The following DPP6 variants were observed in gnomAD, a reference collection of about 807,000 sequenced individuals.
The protein encoded by DPP6 is dipeptidyl peptidase like 6, also known as A-type potassium channel modulatory protein DPP6.
Under a neutral mutation model 122.6 loss-of-function variants are expected in DPP6, and 69 were observed. That is an observed-to-expected ratio of 0.56 (90% CI 0.46 to 0.69). The LOEUF (loss-of-function observed/expected upper bound fraction) is 0.69, where lower values mean the gene tolerates loss of function less well. Among genes scored for constraint, DPP6 ranks in the 30% least tolerant of loss-of-function variants. DPP6 has a pLI of 0.00. For synonymous variants in DPP6, 418 were observed against 433.1 expected, an observed-to-expected ratio of 0.97 and a Z score of 0.43; for missense variants, 928 against 1,116.9, an observed-to-expected ratio of 0.83 and a Z score of 2.41.
intron 16 of DPP6, among the ~76,000 whole-genome samples, chr7:154,850,460 G>C (rs577535931): frequency 1.2e-4 from 18 of 152,270 alleles, no homozygotes; most frequent in African/African-American, 4.3e-4. Flanking sequence ...TCAGGGTAAG[G>C]CTGGCCTCAT....
At chr7:154,073,291 C>T (rs1803257971) in intron 1 of DPP6, among the ~76,000 whole-genome samples, 1 of 152,208 alleles carries the variant, frequency 6.6e-6, no homozygotes, top group Non-Finnish European at 1.5e-5. Flanking sequence ...CTGCCTTTGT[C>T]TCCTTCCTTC....
intron 13 of DPP6, among the ~76,000 whole-genome samples, chr7:154,802,032 G>T (rs983531886): frequency 3.9e-5 from 6 of 152,014 alleles, no homozygotes; most frequent in Non-Finnish European, 8.8e-5. Flanking sequence ...TAGACATCTC[G>T]GGGTCACCAT....
chr7:154,448,465 G>T (rs927222812), intron 2 of DPP6, among the ~76,000 whole-genome samples: 5 of 152,116 alleles, frequency 3.3e-5, no homozygotes, highest in Non-Finnish European at 7.4e-5. Context: ...TATATGAATT[G>T]ATTGAAAGAC....
At chr7:154,097,392 T>C (rs562590110) in intron 1 of DPP6, among the ~76,000 whole-genome samples, 5 of 152,246 alleles carry the variant, frequency 3.3e-5, no homozygotes, top group African/African-American at 1.2e-4. Flanking sequence ...CCCGCCGTGC[T>C]GCGAGCCCTT....
chr7:154,582,197 T>C (rs528042397), intron 5 of DPP6, among the ~76,000 whole-genome samples: 1 of 152,322 alleles, frequency 6.6e-6, no homozygotes, highest in South Asian at 2.1e-4. Flanking sequence ...AGTGCAGATG[T>C]AGTGATCCTG....
At chr7:154,184,172 T>C (rs1250423576) in intron 1 of DPP6, among the ~76,000 whole-genome samples, 1 of 150,944 alleles carries the variant, frequency 6.6e-6, no homozygotes, top group African/African-American at 2.4e-5. Flanking sequence ...CATCAGGCAA[T>C]GATTTTGAGT....
chr7:154,786,283 C>A (rs1208554040), intron 10 of DPP6, among the ~76,000 whole-genome samples: 2 of 152,144 alleles, frequency 1.3e-5, no homozygotes, highest in Non-Finnish European at 2.9e-5. Flanking sequence ...TTCGTCAAAG[C>A]TAGAGGGTAT....
At chr7:153,844,683 A>G in the DPP6 span, among the ~76,000 whole-genome samples, 17 of 152,374 alleles carry the variant, frequency 1.1e-4, 1 homozygote, top group Admixed American at 9.8e-4. Context: ...CCGGTGGGAC[A>G]TCGTTTGCAC....
chr7:154,053,472 C>T (rs1585237600), intron 1 of DPP6, among the ~76,000 whole-genome samples: 2 of 151,188 alleles, frequency 1.3e-5, no homozygotes, highest in East Asian at 2.0e-4. Context: ...AACACAGCCT[C>T]AGGCACCTTC....
At chr7:154,522,834 T>C (rs1277243429) in intron 3 of DPP6, among the ~76,000 whole-genome samples, 2 of 152,242 alleles carry the variant, frequency 1.3e-5, no homozygotes, top group African/African-American at 4.8e-5. Context: ...GTGGGTGTTA[T>C]GGGAACGTGC....
intron 1 of DPP6, among the ~76,000 whole-genome samples, chr7:153,975,348 A>AC (rs1266370160): frequency 1.2e-4 from 6 of 48,656 alleles, no homozygotes; most frequent in African/African-American, 4.8e-4. Flanking sequence ...ACCCACCCCC[A>AC]CAGAGTACCT....
chr7:154,461,710 G>A (rs555214921), intron 2 of DPP6, among the ~76,000 whole-genome samples: 1 of 152,076 alleles, frequency 6.6e-6, no homozygotes, highest in South Asian at 2.1e-4. Context: ...TTTTTAATTG[G>A]ATTATTAGAT....
At chr7:154,369,849 A>G (rs112499070) in intron 1 of DPP6, among the ~76,000 whole-genome samples, 3 of 152,296 alleles carry the variant, frequency 2.0e-5, no homozygotes, top group Admixed American at 6.5e-5. Flanking sequence ...TTTACAAACC[A>G]TAATTCCTAG....
At chr7:154,366,721 G>T (rs2151110277) in intron 1 of DPP6, among the ~76,000 whole-genome samples, 1 of 152,258 alleles carries the variant, frequency 6.6e-6, no homozygotes, top group East Asian at 1.9e-4. Flanking sequence ...GAAGAATTGG[G>T]TGAGGTAGAA....
At chr7:154,068,396 T>G (rs1029070539) in intron 1 of DPP6, among the ~76,000 whole-genome samples, 4 of 147,504 alleles carry the variant, frequency 2.7e-5, no homozygotes, top group Non-Finnish European at 4.5e-5. Flanking sequence ...AGGGAAGGCC[T>G]GGAAAAAAGG....
At chr7:153,839,373 C>A in the DPP6 span, among the ~76,000 whole-genome samples, 1 of 152,218 alleles carries the variant, frequency 6.6e-6, no homozygotes, top group Non-Finnish European at 1.5e-5. Flanking sequence ...TATTTCTTTG[C>A]TGAGACCTTG....
chr7:154,342,166 A>G (rs1184044419), intron 1 of DPP6, among the ~76,000 whole-genome samples: 1 of 152,234 alleles, frequency 6.6e-6, no homozygotes, highest in Non-Finnish European at 1.5e-5. Flanking sequence ...GAGAATGTCT[A>G]GGCTGTGAAG....
the DPP6 span, among the ~76,000 whole-genome samples, chr7:153,770,606 A>G: frequency 1.3e-5 from 2 of 152,228 alleles, no homozygotes; most frequent in Non-Finnish European, 2.9e-5. Flanking sequence ...GGAGATGTTC[A>G]GCTATCAACA....
intron 1 of DPP6, among the ~76,000 whole-genome samples, chr7:154,012,354 A>G (rs576431935): frequency 2.6e-5 from 4 of 152,362 alleles, no homozygotes; most frequent in African/African-American, 9.6e-5. Context: ...ATTCTAGAAA[A>G]TTCTGAAAAG....
Sources: allele counts gnomAD v4.1 joint callset (sites outside exome capture counted in the v4.1 genomes callset), GRCh38; gene constraint gnomAD v4.1.1; transcripts MANE v1.5; gene names NCBI Gene and HGNC (gene_info 2026-07-23, HGNC 2026-07-21).